Variants in MAGI2 observed in about 807,000 individuals in gnomAD.
The protein encoded by MAGI2 is membrane associated guanylate kinase, WW and PDZ domain containing 2, also known as membrane-associated guanylate kinase, WW and PDZ domain-containing protein 2.
A neutral mutation model predicts 133.3 loss-of-function variants in MAGI2; 35 were observed. The observed-to-expected ratio is 0.26, with a 90% confidence interval of 0.20 to 0.35. The LOEUF (loss-of-function observed/expected upper bound fraction) is 0.35. Among genes scored for constraint, MAGI2 ranks in the 10% least tolerant of loss-of-function variants. The pLI is 1.00. For synonymous variants in MAGI2, 729 were observed against 710.6 expected, an observed-to-expected ratio of 1.03 and a Z score of -0.41; for missense variants, 1,636 against 1,863.4, an observed-to-expected ratio of 0.88 and a Z score of 2.25.
At chr7:78,898,821 A>C (rs1382003139) in intron 2 of MAGI2, among the ~76,000 whole-genome samples, 2 of 152,192 alleles carry the variant, frequency 1.3e-5, no homozygotes, top group Non-Finnish European at 2.9e-5. Flanking sequence ...TGAAATAAGT[A>C]AATATTCAAA....
chr7:79,285,545 T>C (rs567077292), intron 1 of MAGI2, among the ~76,000 whole-genome samples: 1 of 152,238 alleles, frequency 6.6e-6, no homozygotes, highest in South Asian at 2.1e-4. Flanking sequence ...AGGCAACAAG[T>C]TTCTAACAGT....
chr7:79,192,697 A>T (rs1562980382), intron 1 of MAGI2, among the ~76,000 whole-genome samples: 1 of 151,868 alleles, frequency 6.6e-6, no homozygotes, highest in Non-Finnish European at 1.5e-5. Flanking sequence ...GATGGGGAAG[A>T]GTGACTTATT....
At chr7:78,854,813 T>C (rs1425348037) in intron 2 of MAGI2, among the ~76,000 whole-genome samples, 4 of 152,168 alleles carry the variant, frequency 2.6e-5, no homozygotes, top group Non-Finnish European at 5.9e-5. Context: ...TAAAACATGT[T>C]TAAGCAACAA....
intron 3 of MAGI2, among the ~76,000 whole-genome samples, chr7:78,533,932 C>T (rs538540335): frequency 2.6e-5 from 4 of 152,218 alleles, no homozygotes; most frequent in South Asian, 2.1e-4. Flanking sequence ...TCAAGAACCA[C>T]GATTGGGGTT....
intron 16 of MAGI2, among the ~76,000 whole-genome samples, chr7:78,149,360 G>T (rs769393997): frequency 6.6e-6 from 1 of 152,170 alleles, no homozygotes; most frequent in Non-Finnish European, 1.5e-5. Flanking sequence ...TTGCTCAAGA[G>T]TGACAAATAT....
chr7:79,430,146 AT>A (rs527605360), intron 1 of MAGI2, among the ~76,000 whole-genome samples: 69 of 152,238 alleles, frequency 4.5e-4, no homozygotes, highest in African/African-American at 1.5e-3. Context: ...TAAATAGGAA[AT>A]ATCCAGATTT....
At chr7:78,066,114 A>G (rs1813779235) in intron 21 of MAGI2, among the ~76,000 whole-genome samples, 3 of 152,198 alleles carry the variant, frequency 2.0e-5, no homozygotes, top group Non-Finnish European at 4.4e-5. Context: ...ATTTTCTCTA[A>G]TAATCTCATA....
intron 6 of MAGI2, among the ~76,000 whole-genome samples, chr7:78,444,818 G>A (rs1404653326): frequency 1.4e-5 from 2 of 148,096 alleles, no homozygotes; most frequent in African/African-American, 4.9e-5. Flanking sequence ...ATACAAATAT[G>A]TACTTATATA....
At chr7:78,756,072 C>CA (rs1321561843) in intron 2 of MAGI2, among the ~76,000 whole-genome samples, 1 of 152,128 alleles carries the variant, frequency 6.6e-6, no homozygotes, top group Non-Finnish European at 1.5e-5. Context: ...ACTTCGAGGT[C>CA]ACTTACACTC....
At chr7:78,813,621 T>C (rs1419478275) in intron 2 of MAGI2, among the ~76,000 whole-genome samples, 3 of 151,582 alleles carry the variant, frequency 2.0e-5, no homozygotes, top group Non-Finnish European at 2.9e-5. Context: ...CCGTCTCTAC[T>C]AGAAATGCAA....
intron 3 of MAGI2, among the ~76,000 whole-genome samples, chr7:78,604,543 G>A (rs1398277449): frequency 6.6e-6 from 1 of 152,116 alleles, no homozygotes; most frequent in African/African-American, 2.4e-5. Flanking sequence ...CATCTCCCAT[G>A]TGCCACACAC....
intron 3 of MAGI2, among the ~76,000 whole-genome samples, chr7:78,590,924 G>T (rs557596988): frequency 6.6e-6 from 1 of 152,180 alleles, no homozygotes; most frequent in Non-Finnish European, 1.5e-5. Context: ...GAGAAAAAAG[G>T]TAAAGATGAA....
At chr7:78,108,028 T>G (rs1362668468) in intron 20 of MAGI2, among the ~76,000 whole-genome samples, 2 of 151,946 alleles carry the variant, frequency 1.3e-5, no homozygotes, top group Non-Finnish European at 2.9e-5. Flanking sequence ...GGGTTTGATT[T>G]TGTCATGCTT....
chr7:78,108,726 G>C (rs202050551), intron 20 of MAGI2, among the ~76,000 whole-genome samples: 11 of 143,786 alleles, frequency 7.7e-5, no homozygotes, highest in Non-Finnish European at 1.1e-4. Flanking sequence ...ATATGTGTGT[G>C]TATACACACA....
intron 2 of MAGI2, among the ~76,000 whole-genome samples, chr7:78,826,851 C>T (rs993235170): frequency 9.9e-5 from 15 of 151,960 alleles, no homozygotes; most frequent in African/African-American, 2.2e-4. Context: ...ATCTAGTTCG[C>T]GAAAGTGTGC....
At chr7:78,633,410 TA>T (rs2150969714) in intron 2 of MAGI2, among the ~76,000 whole-genome samples, 1 of 152,188 alleles carries the variant, frequency 6.6e-6, no homozygotes, top group South Asian at 2.1e-4. Flanking sequence ...AGTTTTTTTT[TA>T]AAGTGAGAGA....
chr7:79,025,474 C>T (rs1211018077), intron 1 of MAGI2, among the ~76,000 whole-genome samples: 2 of 152,064 alleles, frequency 1.3e-5, no homozygotes, highest in Non-Finnish European at 2.9e-5. Flanking sequence ...TATATAGAAG[C>T]CTCCACATGT....
chr7:78,872,076 T>C (rs532094062), intron 2 of MAGI2, among the ~76,000 whole-genome samples: 1 of 151,640 alleles, frequency 6.6e-6, no homozygotes. Flanking sequence ...AGTATACTTA[T>C]GGAATACTTT....
intron 9 of MAGI2, among the ~76,000 whole-genome samples, chr7:78,281,356 G>A (rs575344644): frequency 6.6e-6 from 1 of 152,104 alleles, no homozygotes; most frequent in South Asian, 2.1e-4. Context: ...ATTAAATTAT[G>A]GGGGCAGTTT....
Sources: allele counts gnomAD v4.1 joint callset (sites outside exome capture counted in the v4.1 genomes callset), GRCh38; gene constraint gnomAD v4.1.1; transcripts MANE v1.5; gene names NCBI Gene and HGNC (gene_info 2026-07-23, HGNC 2026-07-21).